Variants in SPSB4 observed in about 807,000 individuals in gnomAD.
The protein encoded by SPSB4 is splA/ryanodine receptor domain and SOCS box containing 4.
SPSB4 carries 21 observed loss-of-function variants against 20.9 expected under a neutral mutation model. The ratio of observed to expected loss-of-function variants is 1.01; its 90% CI spans 0.71 to 1.45. The LOEUF is 1.45. SPSB4 is among the 40% of genes most tolerant of loss of function. The pLI, the probability that SPSB4 is intolerant of heterozygous loss-of-function variation, is 0.00. For missense variants in SPSB4, 399 were observed against 399.2 expected (o/e 1.00, Z 0.00); for synonymous variants, 207 against 183.8 (o/e 1.13, Z -1.02).
intron 2 of SPSB4, among the ~76,000 whole-genome samples, chr3:141,128,771 G>A (rs1296335893): frequency 6.6e-6 from 1 of 151,954 alleles, no homozygotes; most frequent in Non-Finnish European, 1.5e-5. Context: ...ATCATGGGGG[G>A]ATGGCTCTTT....
At chr3:141,118,766 G>C (rs1196151655) in intron 2 of SPSB4, among the ~76,000 whole-genome samples, 1 of 152,142 alleles carries the variant, frequency 6.6e-6, no homozygotes, top group African/African-American at 2.4e-5. Flanking sequence ...CTCATTGCTT[G>C]TTTTTGTCAG....
intron 2 of SPSB4, among the ~76,000 whole-genome samples, chr3:141,075,722 G>A (rs931598999): frequency 4.6e-5 from 7 of 151,922 alleles, no homozygotes; most frequent in South Asian, 2.1e-4. Context: ...CCATCTACCC[G>A]CCATGCTGAA....
chr3:141,069,219 G>A (rs998616907), intron 2 of SPSB4, among the ~76,000 whole-genome samples: 1 of 152,160 alleles, frequency 6.6e-6, no homozygotes, highest in African/African-American at 2.4e-5. Flanking sequence ...AGCTTCTCTG[G>A]GCTTGAAAGG....
intron 2 of SPSB4, among the ~76,000 whole-genome samples, chr3:141,103,685 G>A (rs1308666654): frequency 6.6e-5 from 10 of 152,056 alleles, no homozygotes; most frequent in African/African-American, 1.9e-4. Context: ...CTCCAACAGC[G>A]AACTGCCTAC....
At chr3:141,132,606 A>C (rs1939154308) in intron 2 of SPSB4, among the ~76,000 whole-genome samples, 1 of 151,996 alleles carries the variant, frequency 6.6e-6, no homozygotes, top group Non-Finnish European at 1.5e-5. Flanking sequence ...TGTGAATGCC[A>C]TTATTTCATT....
At chr3:141,112,650 A>AAAAAAAAT (rs1938820118) in intron 2 of SPSB4, among the ~76,000 whole-genome samples, 1 of 147,194 alleles carries the variant, frequency 6.8e-6, no homozygotes, top group Non-Finnish European at 1.5e-5. Flanking sequence ...GTCTCAAAAA[A>AAAAAAAAT]AAAAAAAAAA....
chr3:141,105,045 C>T (rs979041319), intron 2 of SPSB4, among the ~76,000 whole-genome samples: 2 of 152,158 alleles, frequency 1.3e-5, no homozygotes, highest in Non-Finnish European at 2.9e-5. Context: ...GCCCACAAGG[C>T]GGATGGAGTC....
At chr3:141,096,183 G>A (rs1938544923) in intron 2 of SPSB4, among the ~76,000 whole-genome samples, 1 of 152,064 alleles carries the variant, frequency 6.6e-6, no homozygotes, top group African/African-American at 2.4e-5. Flanking sequence ...TAGAAGAGGA[G>A]CCAAACCTAG....
chr3:141,118,535 T>C (rs1463035992), intron 2 of SPSB4, among the ~76,000 whole-genome samples: 2 of 152,252 alleles, frequency 1.3e-5, no homozygotes, highest in Non-Finnish European at 2.9e-5. Context: ...TTGCCATTGC[T>C]TTTGGTGTTT....
intron 2 of SPSB4, among the ~76,000 whole-genome samples, chr3:141,143,095 T>C (rs1018395459): frequency 1.2e-4 from 18 of 152,082 alleles, no homozygotes; most frequent in East Asian, 5.8e-4. Flanking sequence ...GGATTACAGG[T>C]CTGAGCCACC....
intron 2 of SPSB4, among the ~76,000 whole-genome samples, chr3:141,109,484 C>A (rs1938758844): frequency 6.6e-6 from 1 of 152,146 alleles, no homozygotes; most frequent in South Asian, 2.1e-4. Context: ...CCACCCTGGG[C>A]CAGCCAGATC....
intron 2 of SPSB4, among the ~76,000 whole-genome samples, chr3:141,073,442 T>C (rs1201188417): frequency 6.6e-6 from 1 of 152,218 alleles, no homozygotes; most frequent in African/African-American, 2.4e-5. Flanking sequence ...TGGATTAATA[T>C]TATTTGAGGT....
chr3:141,098,795 G>C (rs1218757434), intron 2 of SPSB4, among the ~76,000 whole-genome samples: 1 of 152,136 alleles, frequency 6.6e-6, no homozygotes, highest in African/African-American at 2.4e-5. Context: ...TAGTGGTGTT[G>C]GTGGGTGTCT....
chr3:141,066,241 CG>C lies in SPSB4; in HGVS notation c.141del (p.Leu48TrpfsTer67). The C allele has an allele frequency of 6.5e-7, 1 of 1,528,498 alleles. No individual in the cohort carries two copies. 94.7% of individuals were successfully genotyped at this position (1,528,498 alleles called of 1,614,324 possible). ...RLDQLLDMPA[A>X]GLAVQLRHAW... ...GACCAGCTGTTGGACATGCCAGCGG[CG>C]GGGCTGGCTGTGCAGCTGCGGCACG... On this transcript the variant is annotated frameshift_variant, in exon 2 of 3. Coordinates refer to ENST00000310546, the MANE Select transcript of SPSB4 (RefSeq NM_080862.3). LOFTEE classifies it high-confidence loss of function.
Position 141,066,777 on chromosome 3 carries a change from C to A in SPSB4, c.673C>A (p.Arg225Ser), listed in dbSNP as rs779882921. The change falls in exon 2 of 3, where the codon CGC becomes AGC. Residue 225 changes from arginine to serine, a missense_variant. Arg to Ser is a moderately radical substitution (Grantham distance 110). Coordinates refer to ENST00000310546, the MANE Select transcript of SPSB4 (RefSeq NM_080862.3). ...GTGGGGCCACTGTGAAGTCACCATG[C>A]GCTACATCAACGGCCTTGACCGTAA... The part of the protein sequence containing the change: ...AVWGHCEVTM[R>S]YINGLDPEPL... 1.9e-6 allele frequency: 3 copies of A among 1,561,156 alleles called. No individual in the cohort carries two copies. The East Asian group carries it at 6.8e-5, about 35-fold the overall frequency.
chr3:141,080,187 T>G (rs1047432194), intron 2 of SPSB4: 2 of 152,220 alleles, frequency 1.3e-5, no homozygotes, highest in Non-Finnish European at 2.9e-5. Context: ...GACAAGTTAA[T>G]TGAGGCCCAG....
intron 2 of SPSB4, among the ~76,000 whole-genome samples, chr3:141,139,621 C>A (rs1939288548): frequency 6.6e-6 from 1 of 152,160 alleles, no homozygotes; most frequent in African/African-American, 2.4e-5. Context: ...ATATGAAATT[C>A]TGGGTTGAAA....
At chr3:141,053,626 C>A (rs146198090) in intron 1 of SPSB4, among the ~76,000 whole-genome samples, 14 of 152,102 alleles carry the variant, frequency 9.2e-5, no homozygotes, top group African/African-American at 3.4e-4. Flanking sequence ...AACAAAAGAT[C>A]AAATGGGCAA....
At position 141,066,286 on chromosome 3, in the gene SPSB4, G is replaced by C. The variant is rs139284721; in HGVS notation, c.182G>C (p.Arg61Pro). ...QLRHAWNPED[R>P]SLNVFVKDDD... ...CGGCACGCGTGGAACCCCGAGGACC[G>C]CTCGCTCAACGTCTTCGTCAAGGAC... Residue 61 changes from arginine (R) to proline (P), a missense_variant, in exon 2 of 3, where the codon CGC (arginine) becomes CCC (proline). By Grantham distance (103) the Arg-to-Pro change is moderately radical. Coordinates refer to ENST00000310546, the MANE Select transcript of SPSB4 (RefSeq NM_080862.3). 6.4e-7 allele frequency: 1 copy of C among 1,566,480 alleles called. No homozygotes were observed. The highest frequency in any genetic ancestry group is 2.4e-5 in the East Asian group (1 of 41,508).
Sources: allele counts gnomAD v4.1 joint callset (sites outside exome capture counted in the v4.1 genomes callset), GRCh38; gene constraint gnomAD v4.1.1; transcripts MANE v1.5; gene names NCBI Gene and HGNC (gene_info 2026-07-23, HGNC 2026-07-21).